Variants in CPQ observed in about 807,000 individuals in gnomAD.
CPQ encodes Ser-Met dipeptidase.
In CPQ, 37 loss-of-function variants were observed where a neutral mutation model predicts 45.7. That is an observed-to-expected ratio of 0.81 (90% CI 0.62 to 1.07). The LOEUF is 1.07. CPQ is among the 50% of genes least tolerant of loss of function. The pLI is 0.00. For synonymous variants in CPQ, 186 were observed against 205.8 expected (o/e 0.90, Z 0.82); for missense variants, 537 against 572.9 (o/e 0.94, Z 0.64).
rs1810106763 is a variant in CPQ at position 96,742,466 on chromosome 8, T to C, written c.-34-42398T>C. ...TGTGTCTTTTAATTGGAGCATTTAG[T>C]GCATTTACATTTAAAGTTAATATTG... On this transcript the variant is annotated intron_variant, in intron 1 of 7. Transcript: ENST00000220763. Among the ~76,000 whole-genome samples the C allele has an allele frequency of 2.0e-5, 3 of 152,298 alleles. No homozygotes were observed. The South Asian group carries it at 6.2e-4, about 32-fold the overall frequency.
intron 5 of CPQ, among the ~76,000 whole-genome samples, chr8:97,013,752 G>A (rs752490078): frequency 2.0e-5 from 3 of 152,154 alleles, no homozygotes; most frequent in Non-Finnish European, 4.4e-5. Context: ...GAGGCAGATC[G>A]GAATCTATCT....
At chr8:97,108,915 C>T (rs1441117590) in intron 7 of CPQ, among the ~76,000 whole-genome samples, 1 of 152,218 alleles carries the variant, frequency 6.6e-6, no homozygotes, top group Non-Finnish European at 1.5e-5. Context: ...CCATATTCTG[C>T]CATGATCCTT....
intron 5 of CPQ, among the ~76,000 whole-genome samples, chr8:97,011,489 G>C (rs142945566): frequency 1.5e-4 from 23 of 152,298 alleles, no homozygotes; most frequent in African/African-American, 4.8e-4. Flanking sequence ...GAAGATGGAG[G>C]TTGCACAGTA....
At chr8:96,830,889 T>C (rs1308478990) in intron 2 of CPQ, among the ~76,000 whole-genome samples, 1 of 152,182 alleles carries the variant, frequency 6.6e-6, no homozygotes, top group Non-Finnish European at 1.5e-5. Flanking sequence ...ATTTGTTACA[T>C]TTGTGAAATA....
chr8:97,044,391 T>G (rs1810194529), intron 6 of CPQ, among the ~76,000 whole-genome samples: 1 of 152,168 alleles, frequency 6.6e-6, no homozygotes, highest in South Asian at 2.1e-4. Context: ...TCGTCTAAAT[T>G]TTTTTCAAAG....
At chr8:97,137,466 T>C (rs979549384) in intron 7 of CPQ, among the ~76,000 whole-genome samples, 31 of 152,192 alleles carry the variant, frequency 2.0e-4, no homozygotes, top group African/African-American at 6.8e-4. Flanking sequence ...TCTGTCCTTG[T>C]ACATGAATTT....
intron 1 of CPQ, among the ~76,000 whole-genome samples, chr8:96,685,449 A>G (rs1228256895): frequency 1.3e-5 from 2 of 152,034 alleles, no homozygotes; most frequent in Non-Finnish European, 2.9e-5. Flanking sequence ...TCGATTAGTT[A>G]TCAAGGTTTT....
At position 97,143,292 on chromosome 8, in the gene CPQ, C is replaced by G. The variant is rs1054158659; in HGVS notation, c.*109C>G. On this transcript the variant is annotated 3_prime_UTR_variant, in exon 8 of 8. Transcript: ENST00000220763. ...TTTCATCCAATTCATCTTCAAAGCACAACTCTATTTCATGCTTTCTGTTAT... is the reference window on the plus strand; with the variant it reads ...TTTCATCCAATTCATCTTCAAAGCAGAACTCTATTTCATGCTTTCTGTTAT... The G allele has an allele frequency of 4.6e-5, 46 of 998,132 alleles. No homozygotes were observed. The Middle Eastern group carries it at 8.5e-4, about 18-fold the overall frequency. 61.8% of individuals were successfully genotyped at this position (998,132 alleles called of 1,614,324 possible). A position where few individuals can be genotyped will look rare whatever the true frequency, so the allele number is the denominator to read the frequency against.
chr8:96,817,713 A>G (rs1811248965), intron 2 of CPQ, among the ~76,000 whole-genome samples: 1 of 151,910 alleles, frequency 6.6e-6, no homozygotes, highest in Non-Finnish European at 1.5e-5. Context: ...TCCCAGGCTC[A>G]AGCAATCCTC....
At chr8:96,926,628 C>T (rs796995821) in intron 4 of CPQ, among the ~76,000 whole-genome samples, 2,240 of 54,920 alleles carry the variant, frequency 0.041, 101 homozygotes, top group African/African-American at 0.2. Context: ...TTCTTCTCCT[C>T]CTTCTCCTTC....
At chr8:96,867,915 T>C (rs1385342685) in intron 3 of CPQ, among the ~76,000 whole-genome samples, 2 of 152,056 alleles carry the variant, frequency 1.3e-5, no homozygotes, top group South Asian at 2.1e-4. Context: ...TGGCTCACTA[T>C]GGTAATCATT....
intron 7 of CPQ, among the ~76,000 whole-genome samples, chr8:97,071,830 T>C (rs1810748757): frequency 6.6e-6 from 1 of 152,182 alleles, no homozygotes; most frequent in African/African-American, 2.4e-5. Context: ...AGTGCATAAT[T>C]TGGCCATTTG....
chr8:97,058,704 T>C (rs1311985745), intron 6 of CPQ, among the ~76,000 whole-genome samples: 5 of 152,124 alleles, frequency 3.3e-5, no homozygotes, highest in Non-Finnish European at 7.4e-5. Flanking sequence ...TACAACTGCA[T>C]ACTGAAATGA....
At chr8:97,029,636 C>G in intron 6 of CPQ, 142 bp downstream of exon 6, 2 of 706,304 alleles carry the variant, frequency 2.8e-6, no homozygotes. Flanking sequence ...TCCCTCCAGC[C>G]CTGTGAATGA....
intron 1 of CPQ, among the ~76,000 whole-genome samples, chr8:96,769,071 G>A (rs967917087): frequency 6.6e-6 from 1 of 152,102 alleles, no homozygotes; most frequent in South Asian, 2.1e-4. Flanking sequence ...AAAGACTTCT[G>A]CACTTCATCT....
intron 6 of CPQ, among the ~76,000 whole-genome samples, chr8:97,042,815 C>G (rs1285640711): frequency 6.6e-6 from 1 of 152,038 alleles, no homozygotes; most frequent in Admixed American, 6.6e-5. Context: ...TTTCTTAATC[C>G]TGAGTTCCAG....
chr8:97,125,570 G>T (rs186162328), intron 7 of CPQ, among the ~76,000 whole-genome samples: 88 of 152,220 alleles, frequency 5.8e-4, no homozygotes, highest in African/African-American at 1.9e-3. Context: ...TTTAAGGTTG[G>T]TTTAATATTT....
intron 1 of CPQ, among the ~76,000 whole-genome samples, chr8:96,707,736 G>C (rs1809552695): frequency 1.3e-5 from 2 of 151,768 alleles, no homozygotes; most frequent in Non-Finnish European, 2.9e-5. Flanking sequence ...TTATTTTGTA[G>C]TTCTGGGAGT....
intron 7 of CPQ, among the ~76,000 whole-genome samples, chr8:97,121,255 G>C (rs1811697472): frequency 2.0e-5 from 3 of 152,158 alleles, no homozygotes. Flanking sequence ...ACTGGTTTGG[G>C]ACTTGTCCTT....
Sources: gnomAD v4.1 joint callset for allele counts (sites outside exome capture counted in the v4.1 genomes callset) on GRCh38, gnomAD v4.1.1 for gene constraint, MANE v1.5 for transcripts, NCBI Gene and HGNC (gene_info 2026-07-23, HGNC 2026-07-21) for gene names.